The following CNKSR3 variants were observed in gnomAD, a reference collection of about 807,000 sequenced individuals.
The protein encoded by CNKSR3 is connector enhancer of kinase suppressor of ras 3.
Under a neutral mutation model 67.7 loss-of-function variants are expected in CNKSR3, and 36 were observed. The observed-to-expected ratio is 0.53, with a 90% CI of 0.41 to 0.70. The LOEUF (loss-of-function observed/expected upper bound fraction) is 0.70. CNKSR3 is among the 30% of genes least tolerant of loss of function. The pLI is 0.00. For synonymous variants in CNKSR3, 281 were observed against 271.4 expected (o/e 1.04, Z -0.35); for missense variants, 630 against 695.2 (o/e 0.91, Z 1.05).
chr6:154,437,038 G>A (rs1450778731), intron 4 of CNKSR3, among the ~76,000 whole-genome samples: 1 of 152,130 alleles, frequency 6.6e-6, no homozygotes, highest in Non-Finnish European at 1.5e-5. Flanking sequence ...AGAAGAAGAA[G>A]GGGGGACGGC....
chr6:154,393,365 A>G lies in CNKSR3; in HGVS notation c.*12989T>C, dbSNP rs1370479632. On this transcript the variant is annotated 3_prime_UTR_variant, in exon 13 of 13. Transcript: ENST00000607772. Reference sequence around the variant, plus strand: ...GATATCCTCCAAGTATTTTCTAATCATTTCAGTTTTGCCAGTCAGGTAGAG... The same window carrying G: ...GATATCCTCCAAGTATTTTCTAATCGTTTCAGTTTTGCCAGTCAGGTAGAG... The G allele has an allele frequency of 6.6e-6, 1 of 152,200 alleles. No individual in the cohort carries two copies. Among genetic ancestry groups the G allele is most frequent in the Non-Finnish European group, 1.5e-5 (1 of 68,046 alleles). 9.4% of individuals were successfully genotyped at this position (152,200 alleles called of 1,614,324 possible).
chr6:154,472,972 G>C (rs1786364038), intron 1 of CNKSR3, among the ~76,000 whole-genome samples: 1 of 152,148 alleles, frequency 6.6e-6, no homozygotes, highest in Non-Finnish European at 1.5e-5. Flanking sequence ...AGCTTTTATG[G>C]AGGGCCTGCT....
At chr6:154,407,233 C>T (rs1207428225) in intron 12 of CNKSR3, among the ~76,000 whole-genome samples, 1 of 152,134 alleles carries the variant, frequency 6.6e-6, no homozygotes, top group Non-Finnish European at 1.5e-5. Flanking sequence ...AGTGTCCCCG[C>T]GATGGCTGAA....
At chr6:154,492,922 T>C (rs1438479389) in intron 1 of CNKSR3, among the ~76,000 whole-genome samples, 3 of 152,136 alleles carry the variant, frequency 2.0e-5, no homozygotes, top group East Asian at 1.9e-4. Context: ...CCTTTCAGAA[T>C]ACCCGGAACC....
rs138113726 is a variant in CNKSR3, at chr6:154,505,119, T to C, written c.52+4944A>G. ...CTAAAAGAGAAGGTATAACCTAAAC[T>C]GGAATCAAGGTAACAGAAAGAACTG... is the stretch of plus-strand genomic sequence containing the variant. On this transcript the variant is annotated intron_variant, in intron 1 of 12. Transcript: ENST00000607772. Among the ~76,000 whole-genome samples the C allele has an allele frequency of 4.3e-3, 653 of 151,296 alleles. 5 individuals carry two copies. Among genetic ancestry groups the C allele is most frequent in the African/African-American group, 0.015 (630 of 41,432 alleles).
chr6:154,484,911 C>G (rs1786638926), intron 1 of CNKSR3, among the ~76,000 whole-genome samples: 1 of 152,140 alleles, frequency 6.6e-6, no homozygotes, highest in East Asian at 1.9e-4. Context: ...GCTTGAATAG[C>G]CACACAGGTC....
rs1270091828 is a variant in CNKSR3 at position 154,510,284 on chromosome 6, C to G, written c.-170G>C. Reference sequence around the variant, plus strand: ...AGCCAGTCGTCCCAGCGCGGCTCCGCCAGGGGAGCCCGGCCCTCTCCCTCC... The same window carrying G: ...AGCCAGTCGTCCCAGCGCGGCTCCGGCAGGGGAGCCCGGCCCTCTCCCTCC... On this transcript the variant is annotated 5_prime_UTR_variant, in exon 1 of 13. Coordinates refer to ENST00000607772, the MANE Select transcript of CNKSR3 (RefSeq NM_173515.4). 1.5e-6 allele frequency: 1 copy of G among 652,540 alleles called. No individual in the cohort carries two copies. The highest frequency in any genetic ancestry group is 2.6e-6 in the Non-Finnish European group (1 of 381,250). 40.4% of individuals were successfully genotyped at this position (652,540 alleles called of 1,614,324 possible). A position where few individuals can be genotyped will look rare whatever the true frequency, so the allele number is the denominator to read the frequency against.
chr6:154,491,913 T>C (rs566078759), intron 1 of CNKSR3, among the ~76,000 whole-genome samples: 15 of 152,350 alleles, frequency 9.8e-5, no homozygotes, highest in African/African-American at 3.6e-4. Flanking sequence ...GCATTCAGCA[T>C]CCTGAGAATA....
Position 154,491,145 on chromosome 6 carries a change from C to T in CNKSR3, c.52+18918G>A, listed in dbSNP as rs1311555727. Among the ~76,000 whole-genome samples the T allele has an allele frequency of 2.0e-5, 3 of 152,312 alleles. No individual in the cohort carries two copies. In the East Asian group the frequency reaches 5.8e-4, roughly 29 times the overall value. The stretch of plus-strand genomic sequence containing the variant: ...TACAGGCGTGAGCCACCGCGCCCGG[C>T]CCAGGTCTCAATTTAAATGTCTCTT... On this transcript the variant is annotated intron_variant, in intron 1 of 12. Coordinates refer to ENST00000607772, the MANE Select transcript of CNKSR3 (RefSeq NM_173515.4).
chr6:154,506,648 G>C (rs747428714), intron 1 of CNKSR3, among the ~76,000 whole-genome samples: 9 of 152,208 alleles, frequency 5.9e-5, no homozygotes, highest in Non-Finnish European at 8.8e-5. Flanking sequence ...GCTACGAATG[G>C]CTGAACAAGA....
intron 7 of CNKSR3, among the ~76,000 whole-genome samples, chr6:154,423,368 G>A (rs1218877705): frequency 6.6e-6 from 1 of 152,132 alleles, no homozygotes; most frequent in African/African-American, 2.4e-5. Flanking sequence ...GGTTCAAGCG[G>A]ATCTCCCCCC....
intron 2 of CNKSR3, among the ~76,000 whole-genome samples, chr6:154,444,798 G>A (rs1785673998): frequency 6.6e-6 from 1 of 151,850 alleles, no homozygotes; most frequent in South Asian, 2.1e-4. Flanking sequence ...GTAGAGACGG[G>A]GTTTCACCAT....
In CNKSR3 at chr6:154,391,503, G is replaced by C. The variant is rs1305579006; in HGVS notation, c.*14851C>G. 1 of 152,380 alleles carries C rather than the reference G, an allele frequency of 6.6e-6. No individual in the cohort carries two copies. The highest frequency in any genetic ancestry group is 1.9e-4 in the East Asian group (1 of 5,198). 9.4% of individuals were successfully genotyped at this position (152,380 alleles called of 1,614,324 possible). ...CTGCCTCGGCCTCCCAAAGTGCTGG[G>C]ATTACAGGCGTGAGCAATCAGGCCC... On this transcript the variant is annotated 3_prime_UTR_variant, in exon 13 of 13. Coordinates refer to ENST00000607772, the MANE Select transcript of CNKSR3 (RefSeq NM_173515.4).
chr6:154,415,700 C>T (rs1031621141), intron 9 of CNKSR3, among the ~76,000 whole-genome samples: 3 of 152,168 alleles, frequency 2.0e-5, no homozygotes, highest in Non-Finnish European at 4.4e-5. Flanking sequence ...AAATACACAA[C>T]CTTATACCGT....
rs925966534 is a variant in CNKSR3, at chr6:154,406,574, C to G, written c.1448G>C (p.Arg483Pro). 6.2e-7 allele frequency: 1 copy of G among 1,614,206 alleles called. No individual in the cohort carries two copies. ...CCGCTCGGTCGTGGGTCTGGAGAAC[C>G]GGTATGGGGGAGAGGAGCTCTCTTC... ...IIEESSSPPYRFSRPTTERHL... is the reference protein window; with the variant it reads ...IIEESSSPPYPFSRPTTERHL... Residue 483 changes from arginine to proline, a missense_variant, in exon 13 of 13, where the codon CGG becomes CCG. Transcript: ENST00000607772.
intron 10 of CNKSR3, among the ~76,000 whole-genome samples, chr6:154,411,864 T>C (rs1003892229): frequency 5.3e-5 from 8 of 152,186 alleles, no homozygotes; most frequent in Non-Finnish European, 1.0e-4. Flanking sequence ...ATTATGAAGT[T>C]GTTAGATTTG....
chr6:154,428,451 G>A (rs544655883), intron 6 of CNKSR3, among the ~76,000 whole-genome samples: 126 of 152,262 alleles, frequency 8.3e-4, no homozygotes, highest in Middle Eastern at 3.4e-3. Flanking sequence ...CCACAACTCC[G>A]AGGATGTGGG....
chr6:154,500,989 G>C (rs1051814729), intron 1 of CNKSR3, among the ~76,000 whole-genome samples: 1 of 152,154 alleles, frequency 6.6e-6, no homozygotes, highest in Non-Finnish European at 1.5e-5. Context: ...AAAAGTGCCA[G>C]AAAATAACAA....
chr6:154,438,927 C>T (rs1438855791), intron 4 of CNKSR3, among the ~76,000 whole-genome samples: 2 of 152,200 alleles, frequency 1.3e-5, no homozygotes, highest in Non-Finnish European at 2.9e-5. Context: ...GTGACCAGGA[C>T]ATGTACCTCC....
Sources: allele counts gnomAD v4.1 joint callset (sites outside exome capture counted in the v4.1 genomes callset), GRCh38; gene constraint gnomAD v4.1.1; transcripts MANE v1.5; gene names NCBI Gene and HGNC (gene_info 2026-07-23, HGNC 2026-07-21).